The following CCDC3 variants were observed in gnomAD, a reference collection of about 807,000 sequenced individuals.
CCDC3 encodes the protein coiled-coil domain-containing protein 3.
In CCDC3, 24 loss-of-function variants were observed where a neutral mutation model predicts 21.4. The ratio of observed to expected loss-of-function variants is 1.12; its 90% CI spans 0.81 to 1.58. CCDC3 has a LOEUF of 1.58. Among genes scored for constraint, CCDC3 ranks in the 40% most tolerant of loss-of-function variants. The pLI is 0.00. For synonymous variants in CCDC3, 186 were observed against 166.0 expected (o/e 1.12, Z -0.93); for missense variants, 425 against 360.9 (o/e 1.18, Z -1.44).
At chr10:12,978,892 C>G (rs548442974) in intron 2 of CCDC3, among the ~76,000 whole-genome samples, 1 of 152,252 alleles carries the variant, frequency 6.6e-6, no homozygotes, top group East Asian at 1.9e-4. Context: ...TAAATGCAAT[C>G]TCAGGACCCC....
intron 5 of CCDC3, among the ~76,000 whole-genome samples, chr10:13,044,208 T>A (rs530588872): frequency 6.6e-6 from 1 of 152,334 alleles, no homozygotes; most frequent in Admixed American, 6.5e-5. Flanking sequence ...AAGGTTATTG[T>A]TTCTTGCTTG....
chr10:13,058,262 G>C (rs1304807544), intron 4 of CCDC3: 1 of 1,379,446 alleles, frequency 7.2e-7, no homozygotes, highest in Non-Finnish European at 1.0e-6. Flanking sequence ...AAAGGCACCT[G>C]GCTGACCATC....
chr10:12,973,357 G>A (rs1352098773), intron 2 of CCDC3, among the ~76,000 whole-genome samples: 2 of 152,152 alleles, frequency 1.3e-5, no homozygotes, highest in African/African-American at 2.4e-5. Flanking sequence ...GCTGAATGGA[G>A]GGGGAGGAGG....
At chr10:13,026,772 C>A (rs1038505218) in intron 5 of CCDC3, among the ~76,000 whole-genome samples, 6 of 152,146 alleles carry the variant, frequency 3.9e-5, no homozygotes, top group Middle Eastern at 3.2e-3. Context: ...TCATAATAGT[C>A]AACATCATAA....
chr10:13,075,011 C>G (rs570924671), intron 3 of CCDC3, among the ~76,000 whole-genome samples: 1 of 152,276 alleles, frequency 6.6e-6, no homozygotes, highest in South Asian at 2.1e-4. Context: ...TTGGCGCCAT[C>G]TGCTGGACAT....
chr10:12,971,939 A>T (rs11258096), intron 2 of CCDC3, among the ~76,000 whole-genome samples: 44,477 of 151,804 alleles, frequency 0.29, 7,067 homozygotes, highest in Middle Eastern at 0.38. Context: ...TGACCACCTC[A>T]GCCTCCCAAA....
intron 2 of CCDC3, among the ~76,000 whole-genome samples, chr10:12,981,603 G>A (rs1439091818): frequency 6.6e-6 from 1 of 152,162 alleles, no homozygotes; most frequent in African/African-American, 2.4e-5. Context: ...AGGAGGAAAT[G>A]AGGCCAGTGA....
At chr10:12,916,293 A>AGGTG (rs1834354977) in intron 2 of CCDC3, among the ~76,000 whole-genome samples, 1 of 152,120 alleles carries the variant, frequency 6.6e-6, no homozygotes, top group South Asian at 2.1e-4. Flanking sequence ...TTAGCTGGGC[A>AGGTG]TGGTGGTGCA....
At chr10:13,023,797 T>G (rs1266278708) in intron 5 of CCDC3, among the ~76,000 whole-genome samples, 5 of 152,268 alleles carry the variant, frequency 3.3e-5, no homozygotes, top group Admixed American at 1.3e-4. Context: ...TCAATCCAGG[T>G]GCAGAAGGGG....
rs72323989 is a variant in CCDC3, at chr10:12,948,728, G to GTTTTTTTT, written c.549+49602_549+49609dup. On this transcript the variant is annotated intron_variant, in intron 2 of 2. Coordinates refer to ENST00000378825, the MANE Select transcript of CCDC3 (RefSeq NM_031455.4). ...AATTTAAGTCCTCATTTTTAAGGCAGTTTTTTTTTTTTTTTTTTTTTTGAG... is the reference window on the plus strand; with the variant it reads ...AATTTAAGTCCTCATTTTTAAGGCAGTTTTTTTTTTTTTTTTTTTTTTTTTTTTTTGAG... Among the ~76,000 whole-genome samples the GTTTTTTTT allele has an allele frequency of 1.5e-4, 14 of 91,068 alleles. 1 individual carries two copies. Among genetic ancestry groups the GTTTTTTTT allele is most frequent in the East Asian group, 3.8e-4 (1 of 2,624 alleles). The allele number at this position is 91,068 out of a possible 152,430, so 59.7% of individuals were successfully genotyped here.
At chr10:12,950,798 A>G (rs1054488861) in intron 2 of CCDC3, among the ~76,000 whole-genome samples, 34 of 152,122 alleles carry the variant, frequency 2.2e-4, no homozygotes, top group Non-Finnish European at 4.6e-4. Flanking sequence ...TCATGACACA[A>G]TCACATATTC....
chr10:12,976,130 A>T (rs972417862), intron 2 of CCDC3, among the ~76,000 whole-genome samples: 1 of 152,070 alleles, frequency 6.6e-6, no homozygotes, highest in African/African-American at 2.4e-5. Flanking sequence ...CTGAGACACA[A>T]CCTCTGTGTG....
intron 2 of CCDC3, among the ~76,000 whole-genome samples, chr10:12,917,169 T>A (rs973838385): frequency 7.2e-6 from 1 of 139,216 alleles, no homozygotes; most frequent in Admixed American, 7.8e-5. Flanking sequence ...GAAATGTCCT[T>A]ATTTCTTCTT....
intron 2 of CCDC3, among the ~76,000 whole-genome samples, chr10:12,979,311 G>A (rs996748592): frequency 1.5e-4 from 23 of 152,074 alleles, no homozygotes; most frequent in Non-Finnish European, 3.4e-4. Context: ...ATCAGTAAGT[G>A]CTCGCTGCCT....
chr10:12,991,328 T>G (rs535585225), intron 2 of CCDC3, among the ~76,000 whole-genome samples: 71 of 152,252 alleles, frequency 4.7e-4, no homozygotes, highest in East Asian at 1.5e-3. Context: ...TTGTTTTGTT[T>G]TTTTTTCCTT....
chr10:13,074,154 T>TA (rs1491463766), intron 3 of CCDC3: 129 of 39,868 alleles, frequency 3.2e-3, no homozygotes, highest in African/African-American at 0.015. Flanking sequence ...TATATATATA[T>TA]TTTTTTTTTT....
intron 2 of CCDC3, among the ~76,000 whole-genome samples, chr10:12,929,223 C>G (rs1053023426): frequency 6.7e-6 from 1 of 149,596 alleles, no homozygotes; most frequent in African/African-American, 2.5e-5. Flanking sequence ...GATCGTGCCA[C>G]TGCACTCCAG....
intron 2 of CCDC3, among the ~76,000 whole-genome samples, chr10:12,914,745 G>T (rs1445371290): frequency 6.6e-6 from 1 of 152,112 alleles, no homozygotes; most frequent in African/African-American, 2.4e-5. Flanking sequence ...ACCATGCCTG[G>T]CCTGAGTTGT....
intron 2 of CCDC3, among the ~76,000 whole-genome samples, chr10:12,927,158 G>A (rs999288393): frequency 5.3e-5 from 8 of 152,164 alleles, no homozygotes; most frequent in African/African-American, 1.9e-4. Context: ...CATAAAAGTA[G>A]AGAGATGAGT....
Sources: allele counts gnomAD v4.1 joint callset (sites outside exome capture counted in the v4.1 genomes callset), GRCh38; gene constraint gnomAD v4.1.1; transcripts MANE v1.5; gene names NCBI Gene and HGNC (gene_info 2026-07-23, HGNC 2026-07-21).